Variants in PCDHGA1 observed in about 807,000 individuals in gnomAD.
The protein encoded by PCDHGA1 is protocadherin gamma-A1.
Under a neutral mutation model 58.0 loss-of-function variants are expected in PCDHGA1, and 32 were observed. The observed-to-expected ratio is 0.55, with a 90% confidence interval of 0.42 to 0.74. PCDHGA1 has a LOEUF of 0.74. Ranked by LOEUF, PCDHGA1 falls within the 30% of genes least tolerant of loss-of-function variation. The pLI is 0.00. For missense variants in PCDHGA1, 1,205 were observed against 1,182.3 expected (o/e 1.02, Z -0.28); for synonymous variants, 498 against 501.1 (o/e 0.99, Z 0.08).
intron 1 of PCDHGA1, chr5:141,415,222 G>C (rs2095844564): frequency 1.2e-6 from 2 of 1,613,990 alleles, no homozygotes; most frequent in African/African-American, 2.7e-5. Context: ...CGGCAGCTTC[G>C]AGTCTCCAGC....
In PCDHGA1 at chr5:141,372,328, C is replaced by A. The variant is rs1170186099; in HGVS notation, c.2421+39223C>A. ...GCCGCCCGCCAGCGCCTGCTGGTCA[C>A]TGTGCGTGATGGAGGACAGCAGCCT... On this transcript the variant is annotated intron_variant, in intron 1 of 3. Coordinates refer to ENST00000517417, the MANE Select transcript of PCDHGA1 (RefSeq NM_018912.3). 4 of 1,613,626 alleles carry A rather than the reference C, an allele frequency of 2.5e-6. No homozygotes were observed. In the South Asian group the frequency reaches 4.4e-5, roughly 18 times the overall value.
chr5:141,351,718 T>C (rs748339463), intron 1 of PCDHGA1: 1 of 1,613,828 alleles, frequency 6.2e-7, no homozygotes, highest in East Asian at 2.2e-5. Context: ...TCTCCTACTC[T>C]ATTCTGGCCA....
intron 1 of PCDHGA1, chr5:141,394,262 G>A: frequency 6.2e-7 from 1 of 1,613,952 alleles, no homozygotes; most frequent in Non-Finnish European, 8.5e-7. Flanking sequence ...ACAGCCAGGA[G>A]AATGCCCAGG....
chr5:141,355,458 C>A, intron 1 of PCDHGA1: 2 of 1,614,050 alleles, frequency 1.2e-6, no homozygotes, highest in Non-Finnish European at 1.7e-6. Context: ...CCTTGGTCAC[C>A]GCGGGTAGGA....
Position 141,355,978 on chromosome 5 carries a change from C to T in PCDHGA1, c.2421+22873C>T, listed in dbSNP as rs771818833. On this transcript the variant is annotated intron_variant, in intron 1 of 3. Transcript: ENST00000517417. ...TCGTGAGAACGTTCCTGTAGGCACT[C>T]GGCTACTCACCGTAAAAGCCACTGA... 8 of 1,613,708 alleles carry T rather than the reference C, an allele frequency of 5.0e-6. No homozygotes were observed. In the Admixed American group the frequency reaches 1.2e-4, roughly 24 times the overall value.
At chr5:141,450,080 C>G (rs140080701) in intron 1 of PCDHGA1, among the ~76,000 whole-genome samples, 6,313 of 144,358 alleles carry the variant, frequency 0.044, 398 homozygotes, top group Admixed American at 0.19. Context: ...GATCTTGGCT[C>G]ACTGCAACCT....
chr5:141,378,889 T>C (rs185717248), intron 1 of PCDHGA1: 2 of 152,352 alleles, frequency 1.3e-5, no homozygotes, highest in Admixed American at 6.5e-5. Flanking sequence ...ACTAAGGAGA[T>C]AGGAGATTCT....
At chr5:141,361,541 C>A in intron 1 of PCDHGA1, 1 of 1,614,074 alleles carries the variant, frequency 6.2e-7, no homozygotes, top group Non-Finnish European at 8.5e-7. Flanking sequence ...CCTCCTGGCG[C>A]CTCTATCGCT....
intron 1 of PCDHGA1, chr5:141,393,583 C>T: frequency 6.2e-7 from 1 of 1,613,930 alleles, no homozygotes. Flanking sequence ...AACATGCCCC[C>T]AGGCACGCGG....
At position 141,385,291 on chromosome 5, in the gene PCDHGA1, C is replaced by T. The variant is rs375490912; in HGVS notation, c.2421+52186C>T. On this transcript the variant is annotated intron_variant, in intron 1 of 3. Coordinates refer to ENST00000517417, the MANE Select transcript of PCDHGA1 (RefSeq NM_018912.3). ...TTCTTTGCTAACATCCGTAGATTTT[C>T]AGGAATGTAAAGAAAACCTGCCAAG... 1.3e-5 allele frequency: 21 copies of T among 1,613,668 alleles called. No individual in the cohort carries two copies. In the African/African-American group the frequency reaches 2.7e-4, roughly 20 times the overall value.
Position 141,347,137 on chromosome 5 carries a change from C to CTTTCTT in PCDHGA1, c.2421+14033_2421+14034insTTCTTT, listed in dbSNP as rs1554073405. On this transcript the variant is annotated intron_variant, in intron 1 of 3. Transcript: ENST00000517417. ...CTCCTTCCTTCCTTCCTCTGTTTCT[C>CTTTCTT]TCTTTCTTTCTTTCTTTCTTTCTTT... Among the ~76,000 whole-genome samples, 4 of 113,834 alleles carry CTTTCTT rather than the reference C, an allele frequency of 3.5e-5. No individual in the cohort carries two copies. In the South Asian group the frequency reaches 1.3e-3, roughly 36 times the overall value. The allele number at this position is 113,834 out of a possible 152,430, so 74.7% of individuals were successfully genotyped here.
chr5:141,371,950 C>T (rs749822569), intron 1 of PCDHGA1: 2 of 1,613,286 alleles, frequency 1.2e-6, no homozygotes, highest in Non-Finnish European at 1.7e-6. Context: ...GCGCAGCGAG[C>T]CTTCGACCAC....
rs145463208 is a variant in PCDHGA1 at position 141,370,418 on chromosome 5, G to A, written c.2421+37313G>A. ...GGATGGGAAATAGCTCCGGATGGAG[G>A]GGCCCAGCAGGGCAGAGGCGAATGC... is the stretch of plus-strand genomic sequence containing the variant. On this transcript the variant is annotated intron_variant, in intron 1 of 3. Coordinates refer to ENST00000517417, the MANE Select transcript of PCDHGA1 (RefSeq NM_018912.3). 1.7e-5 allele frequency: 26 copies of A among 1,570,524 alleles called. 1 individual carries two copies. The Middle Eastern group carries it at 5.2e-4, about 31-fold the overall frequency.
chr5:141,422,077 A>C (rs2096622436), intron 1 of PCDHGA1: 1 of 1,612,340 alleles, frequency 6.2e-7, no homozygotes, highest in Admixed American at 1.7e-5. Flanking sequence ...TTCATTTCGG[A>C]ACATGGAAAG....
At chr5:141,442,837 A>C (rs2098346617) in intron 1 of PCDHGA1, among the ~76,000 whole-genome samples, 1 of 152,202 alleles carries the variant, frequency 6.6e-6, no homozygotes, top group South Asian at 2.1e-4. Flanking sequence ...GGGAGGGACA[A>C]ATCTTGGCCA....
At chr5:141,410,851 T>A in intron 1 of PCDHGA1, 3 of 207,068 alleles carry the variant, frequency 1.4e-5, no homozygotes, top group Non-Finnish European at 1.7e-5. Flanking sequence ...GTCTTTGTCT[T>A]TTTTTTTTTT....
At chr5:141,448,220 G>A (rs750470070) in intron 1 of PCDHGA1, among the ~76,000 whole-genome samples, 9 of 152,148 alleles carry the variant, frequency 5.9e-5, no homozygotes, top group Non-Finnish European at 1.0e-4. Flanking sequence ...GTATGCGAAT[G>A]TATGTGTGGG....
chr5:141,356,987 GA>G, intron 1 of PCDHGA1: 1 of 1,614,186 alleles, frequency 6.2e-7, no homozygotes, highest in Non-Finnish European at 8.5e-7. Context: ...GCAGTGGACA[GA>G]GACTCAGGTC....
At chr5:141,372,708 G>T in intron 1 of PCDHGA1, 1 of 1,613,898 alleles carries the variant, frequency 6.2e-7, no homozygotes, top group Non-Finnish European at 8.5e-7. Context: ...CAATATAAAG[G>T]CTGAAAATGC....
Sources: gnomAD v4.1 joint callset for allele counts (sites outside exome capture counted in the v4.1 genomes callset) on GRCh38, gnomAD v4.1.1 for gene constraint, MANE v1.5 for transcripts, NCBI Gene and HGNC (gene_info 2026-07-23, HGNC 2026-07-21) for gene names.